LRRC8D: variants seen among roughly 807,000 people sequenced by gnomAD.
LRRC8D encodes leucine rich repeat containing 8 VRAC subunit D.
LRRC8D carries 20 observed loss-of-function variants against 55.8 expected under a neutral mutation model. The ratio of observed to expected loss-of-function variants is 0.36; its 90% CI spans 0.25 to 0.52. LRRC8D has a LOEUF of 0.52. Ranked by LOEUF, LRRC8D falls within the 20% of genes least tolerant of loss-of-function variation. The pLI, the probability that LRRC8D is intolerant of heterozygous loss-of-function variation, is 0.93. For synonymous variants in LRRC8D, 352 were observed against 377.0 expected (o/e 0.93, Z 0.77); for missense variants, 651 against 1,030.8 (o/e 0.63, Z 5.05).
intron 2 of LRRC8D, among the ~76,000 whole-genome samples, chr1:89,909,986 A>G (rs187470734): frequency 3.9e-5 from 6 of 152,256 alleles, no homozygotes; most frequent in East Asian, 1.9e-4. Flanking sequence ...TAGCTAAGGT[A>G]CTATTCTTCT....
chr1:89,919,217 T>A (rs1242064406), intron 2 of LRRC8D, among the ~76,000 whole-genome samples: 4 of 152,216 alleles, frequency 2.6e-5, no homozygotes, highest in Non-Finnish European at 5.9e-5. Context: ...AGTGTTTTTC[T>A]CTCATACTAA....
intron 2 of LRRC8D, among the ~76,000 whole-genome samples, chr1:89,906,118 C>T (rs1049183524): frequency 1.2e-4 from 18 of 152,272 alleles, no homozygotes; most frequent in African/African-American, 4.3e-4. Context: ...GTTTTAACTG[C>T]CCCCCAACTG....
chr1:89,861,579 G>A (rs995638415), intron 2 of LRRC8D, among the ~76,000 whole-genome samples: 1 of 152,162 alleles, frequency 6.6e-6, no homozygotes, highest in Non-Finnish European at 1.5e-5. Flanking sequence ...CACTGTCCAT[G>A]TCACATATCT....
chr1:89,822,839 T>A (rs572755563), intron 1 of LRRC8D, among the ~76,000 whole-genome samples: 3 of 152,334 alleles, frequency 2.0e-5, no homozygotes, highest in African/African-American at 7.2e-5. Context: ...TACTGTCAGC[T>A]AGGCGAGAGT....
intron 2 of LRRC8D, among the ~76,000 whole-genome samples, chr1:89,895,008 C>T (rs1662669657): frequency 6.6e-6 from 1 of 152,110 alleles, no homozygotes; most frequent in African/African-American, 2.4e-5. Context: ...ACCCCCACCC[C>T]ACCCACTGAT....
chr1:89,893,582 C>A (rs979432618), intron 2 of LRRC8D, among the ~76,000 whole-genome samples: 2 of 152,070 alleles, frequency 1.3e-5, no homozygotes, highest in Admixed American at 1.3e-4. Flanking sequence ...CTTGTTTTCC[C>A]AAGCATACAT....
chr1:89,836,175 A>AT lies in LRRC8D; in HGVS notation c.-147-7454dup, dbSNP rs138867418. On this transcript the variant is annotated intron_variant, in intron 1 of 2. Coordinates refer to ENST00000337338, the MANE Select transcript of LRRC8D (RefSeq NM_001134479.2). ...CTAGGACCCAGCCTGAATATAGGTCATTTTTTTTTCAAATGTTTCAGAGCT... is the reference window on the plus strand; with the variant it reads ...CTAGGACCCAGCCTGAATATAGGTCATTTTTTTTTTCAAATGTTTCAGAGCT... Among the ~76,000 whole-genome samples the AT allele has an allele frequency of 5.5e-3, 822 of 150,696 alleles. 10 individuals carry two copies. Among genetic ancestry groups the AT allele is most frequent in the African/African-American group, 0.018 (756 of 41,062 alleles).
intron 2 of LRRC8D, among the ~76,000 whole-genome samples, chr1:89,848,671 T>G (rs1661337747): frequency 6.6e-6 from 1 of 152,146 alleles, no homozygotes; most frequent in Admixed American, 6.5e-5. Flanking sequence ...TTATGCAGAG[T>G]GGGTAATAAC....
chr1:89,922,022 C>T lies in LRRC8D; in HGVS notation c.-2-11045C>T, dbSNP rs190685477. Among the ~76,000 whole-genome samples the T allele has an allele frequency of 3.5e-3, 528 of 152,162 alleles. 4 individuals carry two copies. Among genetic ancestry groups the T allele is most frequent in the South Asian group, 0.023 (109 of 4,816 alleles). The stretch of plus-strand genomic sequence containing the variant: ...ATTTGAATCCAGGTCTCTTGGGCAT[C>T]GGAGTTGTGCTCTTTCTAGTATCAT... On this transcript the variant is annotated intron_variant, in intron 2 of 2. Transcript: ENST00000337338.
intron 2 of LRRC8D, among the ~76,000 whole-genome samples, chr1:89,856,870 C>T (rs56341723): frequency 1.2e-3 from 183 of 152,222 alleles, no homozygotes; most frequent in Admixed American, 1.8e-3. Flanking sequence ...TGTTTCTCCC[C>T]CCACATTTAC....
At chr1:89,894,834 C>T (rs552474198) in intron 2 of LRRC8D, among the ~76,000 whole-genome samples, 51 of 152,266 alleles carry the variant, frequency 3.3e-4, no homozygotes, top group Middle Eastern at 3.4e-3. Flanking sequence ...CCATATCTTA[C>T]GGGTGAGTAC....
chr1:89,933,401 C>T lies in LRRC8D; in HGVS notation c.333C>T (p.Leu111=). 1 of 1,614,126 alleles carries T rather than the reference C, an allele frequency of 6.2e-7. No individual in the cohort carries two copies. The highest frequency in any genetic ancestry group is 8.5e-7 in the Non-Finnish European group (1 of 1,180,036). ...GTSAVTPDIP[L]RATYPRTDFA... is the part of the protein sequence containing the mutation. ...CTGCTGTGACACCTGACATACCTCT[C>T]AGAGCCACATATCCTCGCACAGATT... Residue 111 remains leucine (L), a synonymous_variant, in exon 3 of 3, where the codon CTC becomes CTT. Transcript: ENST00000337338. This position sits in a 1 kb window ranked among gnomAD's most constrained non-coding sequence, Gnocchi z 7.0.
Position 89,826,528 on chromosome 1 carries a change from A to G in LRRC8D, c.-148+5237A>G, listed in dbSNP as rs557648306. Among the ~76,000 whole-genome samples, 5 of 152,326 alleles carry G rather than the reference A, an allele frequency of 3.3e-5. No individual in the cohort carries two copies. In the South Asian group the frequency reaches 1.0e-3, roughly 32 times the overall value. On this transcript the variant is annotated intron_variant, in intron 1 of 2. Transcript: ENST00000337338. ...CGGCCTCCCAAAGTGCTGGGATTAC[A>G]GGCATGAGCCACCGCGCCTGGCTAC... is the stretch of plus-strand genomic sequence containing the variant.
Position 89,857,380 on chromosome 1 carries a change from CT to C in LRRC8D, c.-3+13599del, listed in dbSNP as rs1225026396. 4.5e-3 allele frequency among the ~76,000 whole-genome samples: 428 copies of C among 96,034 alleles called. 3 individuals carry two copies. The highest frequency in any genetic ancestry group is 0.018 in the African/African-American group (416 of 22,696). 63.0% of individuals were successfully genotyped at this position (96,034 alleles called of 152,430 possible). A position where few individuals can be genotyped will look rare whatever the true frequency, so the allele number is the denominator to read the frequency against. ...CTGGGCAACAAGAGCGAAACTCCAT[CT>C]CAAAAAAAAAAAAAAAAAAAAAAGT... On this transcript the variant is annotated intron_variant, in intron 2 of 2. Transcript: ENST00000337338.
intron 2 of LRRC8D, among the ~76,000 whole-genome samples, chr1:89,900,006 G>T (rs1340282031): frequency 6.6e-6 from 1 of 152,196 alleles, no homozygotes; most frequent in African/African-American, 2.4e-5. Flanking sequence ...TCCCTGCCCT[G>T]GAGAATCTTA....
intron 1 of LRRC8D, chr1:89,822,166 G>T (rs953190683): frequency 6.5e-6 from 1 of 152,898 alleles, no homozygotes; most frequent in Non-Finnish European, 1.5e-5. Flanking sequence ...AAGAACTGCT[G>T]CAGGTCGAGG....
intron 2 of LRRC8D, among the ~76,000 whole-genome samples, chr1:89,914,995 G>A (rs1309341690): frequency 1.3e-5 from 2 of 151,332 alleles, no homozygotes; most frequent in Non-Finnish European, 2.9e-5. Context: ...GGAGGGCAAG[G>A]ACTCTATCTA....
chr1:89,840,209 G>GCA (rs951280313), intron 1 of LRRC8D, among the ~76,000 whole-genome samples: 1 of 148,408 alleles, frequency 6.7e-6, no homozygotes, highest in Non-Finnish European at 1.5e-5. Flanking sequence ...ACATACACGT[G>GCA]CACACACACA....
intron 2 of LRRC8D, among the ~76,000 whole-genome samples, chr1:89,901,214 G>T (rs1662841569): frequency 6.6e-6 from 1 of 152,198 alleles, no homozygotes. Context: ...GTTCTCACCT[G>T]TTTGTCTGAG....
Sources: allele counts gnomAD v4.1 joint callset (sites outside exome capture counted in the v4.1 genomes callset), GRCh38; gene constraint gnomAD v4.1.1; non-coding constraint Gnocchi (gnomAD v3.1); transcripts MANE v1.5; gene names NCBI Gene and HGNC (gene_info 2026-07-23, HGNC 2026-07-21).